RCOR1: variants seen among roughly 807,000 people sequenced by gnomAD.
RCOR1 encodes the protein REST corepressor.
RCOR1 carries 12 observed loss-of-function variants against 64.0 expected under a neutral mutation model. The observed-to-expected ratio is 0.19, with a 90% CI of 0.12 to 0.30. The LOEUF is 0.30. Among genes scored for constraint, RCOR1 ranks in the 10% least tolerant of loss-of-function variants. The probability of loss-of-function intolerance (pLI) is 1.00; values close to 1 mark genes in which losing one functional copy is unlikely to be tolerated. For synonymous variants in RCOR1, 279 were observed against 227.2 expected, an observed-to-expected ratio of 1.23 and a Z score of -2.05; for missense variants, 502 against 621.2, an observed-to-expected ratio of 0.81 and a Z score of 2.04.
chr14:102,648,597 G>C (rs565960308), intron 2 of RCOR1, among the ~76,000 whole-genome samples: 1 of 152,228 alleles, frequency 6.6e-6, no homozygotes, highest in South Asian at 2.1e-4. Context: ...AGAACAAGTA[G>C]ATCTATGTGT....
At chr14:102,624,141 A>G (rs10150990) in intron 2 of RCOR1, among the ~76,000 whole-genome samples, 95,207 of 151,762 alleles carry the variant, frequency 0.63, 30,913 homozygotes, top group South Asian at 0.72. Flanking sequence ...GCTTGCAGTG[A>G]GCTGAAATTG....
At chr14:102,692,991 C>T (rs1895569286) in intron 3 of RCOR1, among the ~76,000 whole-genome samples, 1 of 152,036 alleles carries the variant, frequency 6.6e-6, no homozygotes, top group Non-Finnish European at 1.5e-5. Context: ...GTCTTGAATT[C>T]CTGACCTCAA....
chr14:102,677,802 G>A (rs1238940160), intron 2 of RCOR1, among the ~76,000 whole-genome samples: 5 of 147,908 alleles, frequency 3.4e-5, no homozygotes, highest in Middle Eastern at 3.2e-3. Context: ...ACGGGGTGGC[G>A]GCTGGGCAGA....
intron 2 of RCOR1, among the ~76,000 whole-genome samples, chr14:102,606,972 C>T (rs1305763832): frequency 1.4e-5 from 2 of 139,610 alleles, no homozygotes; most frequent in East Asian, 2.1e-4. Flanking sequence ...CTCACTCTGT[C>T]GCCCAGGCTG....
intron 3 of RCOR1, among the ~76,000 whole-genome samples, chr14:102,691,131 C>T (rs1196479874): frequency 6.6e-6 from 1 of 152,202 alleles, no homozygotes; most frequent in African/African-American, 2.4e-5. Context: ...CCGACAAGTC[C>T]CTGCCCAAGT....
intron 2 of RCOR1, among the ~76,000 whole-genome samples, chr14:102,614,255 C>T (rs1413817786): frequency 3.0e-5 from 4 of 134,256 alleles, no homozygotes; most frequent in Non-Finnish European, 6.2e-5. Context: ...GACGGAGTCT[C>T]GCTTTGTCAC....
chr14:102,602,405 T>A (rs1424350190), intron 2 of RCOR1, among the ~76,000 whole-genome samples: 4 of 145,280 alleles, frequency 2.8e-5, no homozygotes, highest in Admixed American at 2.0e-4. Flanking sequence ...TTTTTTTTTT[T>A]TTTTTTTTGG....
At chr14:102,619,573 C>T (rs1019889015) in intron 2 of RCOR1, among the ~76,000 whole-genome samples, 9 of 151,520 alleles carry the variant, frequency 5.9e-5, no homozygotes, top group African/African-American at 1.9e-4. Flanking sequence ...CTCTGCCTCC[C>T]GGGTTCAAGC....
chr14:102,697,431 T>C (rs775525219), intron 3 of RCOR1, among the ~76,000 whole-genome samples: 3 of 152,202 alleles, frequency 2.0e-5, no homozygotes, highest in East Asian at 1.9e-4. Context: ...GGAAACCTCA[T>C]ATGTTGACAT....
chr14:102,628,081 G>A (rs1325292577), intron 2 of RCOR1, among the ~76,000 whole-genome samples: 1 of 152,074 alleles, frequency 6.6e-6, no homozygotes, highest in African/African-American at 2.4e-5. Context: ...TCCAGTTCAA[G>A]TCCGAAGGCA....
intron 2 of RCOR1, among the ~76,000 whole-genome samples, chr14:102,622,325 G>T (rs1893891636): frequency 6.6e-6 from 1 of 152,152 alleles, no homozygotes; most frequent in African/African-American, 2.4e-5. Flanking sequence ...TGAACAGAAG[G>T]CAAGTGGAAG....
At chr14:102,644,585 A>T (rs1224055585) in intron 2 of RCOR1, among the ~76,000 whole-genome samples, 1 of 151,970 alleles carries the variant, frequency 6.6e-6, no homozygotes, top group Non-Finnish European at 1.5e-5. Context: ...CTTCAAGTTC[A>T]GCATCTTGTC....
intron 2 of RCOR1, among the ~76,000 whole-genome samples, chr14:102,676,734 C>T (rs1895171326): frequency 1.2e-5 from 1 of 86,472 alleles, no homozygotes; most frequent in Non-Finnish European, 2.5e-5. Flanking sequence ...GGGGGGCTGA[C>T]CCCCCCCACC....
rs557811223 is a variant in RCOR1, at chr14:102,721,039, C to T, written c.1086C>T (p.Leu362=). The T allele has an allele frequency of 4.4e-6, 7 of 1,576,268 alleles. No homozygotes were observed. In the African/African-American group the frequency reaches 8.2e-5, roughly 18 times the overall value. ...IQNIKQTNSA[L]KEKLDGGIEP... is the part of the protein sequence containing the mutation. ...ATATTAAACAGACAAACAGTGCTCTCAAAGAAAAACTTGATGGTGGAATAG... is the reference window on the plus strand; with the variant it reads ...ATATTAAACAGACAAACAGTGCTCTTAAAGAAAAACTTGATGGTGGAATAG... Residue 362 remains leucine, a synonymous_variant, in exon 9 of 12, where the codon CTC becomes CTT. Transcript: ENST00000262241.
chr14:102,679,664 T>G (rs1006682785), intron 2 of RCOR1, among the ~76,000 whole-genome samples: 2 of 151,956 alleles, frequency 1.3e-5, no homozygotes, highest in South Asian at 2.1e-4. Context: ...ATTTTTAGTA[T>G]AGACGGGGTT....
chr14:102,707,587 G>A (rs1339017484), intron 5 of RCOR1, 75 bp downstream of exon 5: 10 of 1,180,836 alleles, frequency 8.5e-6, no homozygotes, highest in Admixed American at 2.4e-5. Flanking sequence ...TTGAGATAGG[G>A]ATATCATACT....
At chr14:102,698,093 G>A (rs1282725060) in intron 3 of RCOR1, among the ~76,000 whole-genome samples, 1 of 152,152 alleles carries the variant, frequency 6.6e-6, no homozygotes, top group African/African-American at 2.4e-5. Flanking sequence ...TTACAATATG[G>A]CAGATGTCCT....
At chr14:102,613,013 C>T (rs1479525716) in intron 2 of RCOR1, among the ~76,000 whole-genome samples, 2 of 150,934 alleles carry the variant, frequency 1.3e-5, no homozygotes, top group African/African-American at 2.4e-5. Flanking sequence ...GATTCTAGTC[C>T]AGAATTTTCC....
intron 2 of RCOR1, among the ~76,000 whole-genome samples, chr14:102,645,176 G>C (rs1894456132): frequency 6.6e-6 from 1 of 152,140 alleles, no homozygotes; most frequent in African/African-American, 2.4e-5. Context: ...TGTGTCACCA[G>C]CCTTAGTATT....
Sources: allele counts gnomAD v4.1 joint callset (sites outside exome capture counted in the v4.1 genomes callset), GRCh38; gene constraint gnomAD v4.1.1; transcripts MANE v1.5; gene names NCBI Gene and HGNC (gene_info 2026-07-23, HGNC 2026-07-21).